Variants in DNAJC3 observed in about 807,000 individuals in gnomAD.
The protein encoded by DNAJC3 is dnaJ homolog subfamily C member 3.
In DNAJC3, 38 loss-of-function variants were observed where a neutral mutation model predicts 68.6. The ratio of observed to expected loss-of-function variants is 0.55; its 90% CI spans 0.43 to 0.73. DNAJC3 has a LOEUF of 0.73. DNAJC3 is among the 30% of genes least tolerant of loss of function. The pLI is 0.00. For synonymous variants in DNAJC3, 203 were observed against 204.0 expected (o/e 1.00, Z 0.04); for missense variants, 526 against 591.9 (o/e 0.89, Z 1.16).
intron 4 of DNAJC3, among the ~76,000 whole-genome samples, chr13:95,756,109 C>T (rs1032819677): frequency 1.3e-5 from 2 of 152,180 alleles, no homozygotes; most frequent in East Asian, 1.9e-4. Flanking sequence ...CAAATACGAT[C>T]CTGAAGAGGC....
In DNAJC3 at chr13:95,762,962, T is replaced by C. The variant is rs534015688; in HGVS notation, c.849-681T>C. Among the ~76,000 whole-genome samples, 6 of 152,354 alleles carry C rather than the reference T, an allele frequency of 3.9e-5. No individual in the cohort carries two copies. In the South Asian group the frequency reaches 6.2e-4, roughly 16 times the overall value. ...TAGTTAAGCCTGTGTTTTAATACATTGGCATATTTACATATGAAGATTGTA... is the reference window on the plus strand; with the variant it reads ...TAGTTAAGCCTGTGTTTTAATACATCGGCATATTTACATATGAAGATTGTA... On this transcript the variant is annotated intron_variant, in intron 7 of 11. Transcript: ENST00000602402.
intron 9 of DNAJC3, among the ~76,000 whole-genome samples, chr13:95,780,638 G>C (rs1883423506): frequency 6.7e-6 from 1 of 148,338 alleles, no homozygotes; most frequent in Non-Finnish European, 1.5e-5. Context: ...TGTTTACCTT[G>C]TTTCTTTTGT....
chr13:95,763,925 C>A lies in DNAJC3; in HGVS notation c.1047C>A (p.Ala349=). 1.2e-6 allele frequency: 2 copies of A among 1,613,950 alleles called. No individual in the cohort carries two copies. The highest frequency in any genetic ancestry group is 1.7e-6 in the Non-Finnish European group (2 of 1,179,922). The stretch of plus-strand genomic sequence containing the variant: ...ATGCCCTGAAAGATCGAGCAGAGGC[C>A]TATTTGATAGAGGAAATGTATGATG... The part of the protein sequence containing the change: ...NVNALKDRAE[A]YLIEEMYDEA... Residue 349 remains alanine (A), a synonymous_variant, in exon 9 of 12, where the codon GCC becomes GCA. Transcript: ENST00000602402.
intron 2 of DNAJC3, among the ~76,000 whole-genome samples, chr13:95,712,023 A>G (rs1022712876): frequency 6.6e-6 from 1 of 152,228 alleles, no homozygotes; most frequent in Non-Finnish European, 1.5e-5. Context: ...ACAAACACAT[A>G]CACACACCAC....
At chr13:95,690,181 A>T (rs542852042) in intron 1 of DNAJC3, among the ~76,000 whole-genome samples, 2 of 151,966 alleles carry the variant, frequency 1.3e-5, no homozygotes, top group East Asian at 3.9e-4. Flanking sequence ...GGGAGTGGTG[A>T]TGACTCTTAA....
chr13:95,717,157 C>A (rs141164819), intron 2 of DNAJC3, among the ~76,000 whole-genome samples: 1 of 152,248 alleles, frequency 6.6e-6, no homozygotes, highest in East Asian at 1.9e-4. Flanking sequence ...ATATCTGGCA[C>A]GAACAAATGT....
intron 2 of DNAJC3, among the ~76,000 whole-genome samples, chr13:95,720,906 T>C (rs1049814324): frequency 1.3e-5 from 2 of 152,168 alleles, no homozygotes; most frequent in African/African-American, 4.8e-5. Context: ...TTTATTGTGG[T>C]AAAATGTATG....
Position 95,794,393 on chromosome 13 carries a change from C to G in DNAJC3, c.*3363C>G, listed in dbSNP as rs1383023431. ...GACACGGCCCTGGTGATGGGCGTTG[C>G]AAAGTTTTCACTGAGCACACAGCAA... On this transcript the variant is annotated 3_prime_UTR_variant, in exon 12 of 12. Coordinates refer to ENST00000602402, the MANE Select transcript of DNAJC3 (RefSeq NM_006260.5). 6.6e-6 allele frequency: 1 copy of G among 152,204 alleles called. No individual in the cohort carries two copies. The highest frequency in any genetic ancestry group is 1.9e-4 in the East Asian group (1 of 5,198). The allele number at this position is 152,204 out of a possible 1,614,324, so 9.4% of individuals were successfully genotyped here.
chr13:95,694,497 AT>A (rs1880373769), intron 1 of DNAJC3: 1 of 152,624 alleles, frequency 6.6e-6, no homozygotes, highest in African/African-American at 2.4e-5. Flanking sequence ...ATATGTCATT[AT>A]TCCCACATGG....
intron 4 of DNAJC3, among the ~76,000 whole-genome samples, chr13:95,732,888 A>G (rs1055886056): frequency 1.3e-5 from 2 of 151,928 alleles, no homozygotes; most frequent in Non-Finnish European, 2.9e-5. Context: ...TTTCAAAAAA[A>G]TTTTTTTATT....
At chr13:95,715,726 T>TCC (rs1201075126) in intron 2 of DNAJC3, among the ~76,000 whole-genome samples, 1 of 150,902 alleles carries the variant, frequency 6.6e-6, no homozygotes, top group Non-Finnish European at 1.5e-5. Flanking sequence ...GACCTGATGA[T>TCC]CCACCCCCCC....
At chr13:95,728,321 G>T (rs76406339) in intron 4 of DNAJC3, among the ~76,000 whole-genome samples, 2,592 of 152,252 alleles carry the variant, frequency 0.017, 78 homozygotes, top group African/African-American at 0.06. Flanking sequence ...ACATTCCTCT[G>T]CATCCTTGCC....
chr13:95,703,242 T>G (rs1279789303), intron 1 of DNAJC3, among the ~76,000 whole-genome samples: 2 of 152,370 alleles, frequency 1.3e-5, no homozygotes, highest in East Asian at 1.9e-4. Context: ...ACATTGAACT[T>G]ACAGCTAATG....
At chr13:95,763,182 A>C (rs959926150) in intron 7 of DNAJC3, among the ~76,000 whole-genome samples, 2 of 152,350 alleles carry the variant, frequency 1.3e-5, no homozygotes, top group African/African-American at 4.8e-5. Context: ...ACTACGTTGT[A>C]CTTTGTTGTA....
chr13:95,747,326 G>A (rs953465606), intron 4 of DNAJC3, among the ~76,000 whole-genome samples: 4 of 152,174 alleles, frequency 2.6e-5, no homozygotes, highest in African/African-American at 9.7e-5. Flanking sequence ...AACTTAACTG[G>A]GGGAGGAAGG....
chr13:95,721,338 G>A (rs1566483174), intron 2 of DNAJC3, among the ~76,000 whole-genome samples: 1 of 152,134 alleles, frequency 6.6e-6, no homozygotes, highest in Non-Finnish European at 1.5e-5. Flanking sequence ...GGTTGTTTCT[G>A]CCTTTGGACT....
At chr13:95,782,047 A>T (rs1227166467) in intron 9 of DNAJC3, among the ~76,000 whole-genome samples, 1 of 152,120 alleles carries the variant, frequency 6.6e-6, no homozygotes, top group African/African-American at 2.4e-5. Flanking sequence ...GAGTGAGAAC[A>T]TGCAGTGTTT....
intron 1 of DNAJC3, among the ~76,000 whole-genome samples, chr13:95,689,970 G>C (rs1322655548): frequency 6.6e-6 from 1 of 151,652 alleles, no homozygotes; most frequent in Non-Finnish European, 1.5e-5. Context: ...GATATGATTT[G>C]GACTTTTTTT....
chr13:95,700,918 G>A (rs973937858), intron 1 of DNAJC3, among the ~76,000 whole-genome samples: 4 of 152,098 alleles, frequency 2.6e-5, no homozygotes, highest in Non-Finnish European at 4.4e-5. Context: ...AAAGTGTTCC[G>A]CTCCAGAATA....
Sources: allele counts gnomAD v4.1 joint callset (sites outside exome capture counted in the v4.1 genomes callset), GRCh38; gene constraint gnomAD v4.1.1; transcripts MANE v1.5; gene names NCBI Gene and HGNC (gene_info 2026-07-23, HGNC 2026-07-21).